HTR1E: variants seen among roughly 807,000 people sequenced by gnomAD.
HTR1E encodes the protein 5-HT-1E.
Under a neutral mutation model 3.4 loss-of-function variants are expected in HTR1E, and 3 were observed. The ratio of observed to expected loss-of-function variants is 0.89; its 90% CI spans 0.41 to 2.31. The LOEUF (loss-of-function observed/expected upper bound fraction) is 2.31, where lower values mean the gene tolerates loss of function less well. HTR1E is among the 30% of genes most tolerant of loss of function. HTR1E has a pLI of 0.05. For missense variants in HTR1E, 392 were observed against 467.0 expected, an observed-to-expected ratio of 0.84 and a Z score of 1.48; for synonymous variants, 170 against 182.8, an observed-to-expected ratio of 0.93 and a Z score of 0.56.
At chr6:86,973,558 G>T (rs149152380) in intron 1 of HTR1E, among the ~76,000 whole-genome samples, 1 of 152,208 alleles carries the variant, frequency 6.6e-6, no homozygotes, top group East Asian at 1.9e-4. Context: ...CTTTCCAAAA[G>T]ACCCGCCCCA....
chr6:86,940,813 C>A (rs1312301362), intron 1 of HTR1E, among the ~76,000 whole-genome samples: 1 of 152,342 alleles, frequency 6.6e-6, no homozygotes, highest in East Asian at 1.9e-4. Flanking sequence ...AAGCTTGAGA[C>A]TGATCAAAAG....
At chr6:86,968,159 C>A (rs1476972777) in intron 1 of HTR1E, among the ~76,000 whole-genome samples, 2 of 152,112 alleles carry the variant, frequency 1.3e-5, no homozygotes, top group Admixed American at 1.3e-4. Flanking sequence ...ATGGTTGCAT[C>A]CTATTCCATA....
chr6:87,010,253 A>C (rs1347731556), intron 1 of HTR1E, among the ~76,000 whole-genome samples: 1 of 100,534 alleles, frequency 9.9e-6, no homozygotes, highest in Non-Finnish European at 1.9e-5. Flanking sequence ...ACTTCTCAGT[A>C]GGGGCGGCCG....
chr6:86,982,790 A>C (rs752075031), intron 1 of HTR1E, among the ~76,000 whole-genome samples: 9 of 152,252 alleles, frequency 5.9e-5, no homozygotes, highest in African/African-American at 1.9e-4. Flanking sequence ...AATGAAAGCC[A>C]GTCAAGTCTA....
rs576206781 is a variant in HTR1E at position 86,976,990 on chromosome 6, T to A, written c.-185-38160T>A. On this transcript the variant is annotated intron_variant, in intron 1 of 1. Transcript: ENST00000305344. ...ACTTCTTAGAACAATTTTTTTAAGA[T>A]GCTCTATTAACTACCTTTATTGTGA... 3.3e-5 allele frequency among the ~76,000 whole-genome samples: 5 copies of A among 152,360 alleles called. No individual in the cohort carries two copies. In the South Asian group the frequency reaches 8.3e-4, roughly 25 times the overall value.
At position 87,010,860 on chromosome 6, in the gene HTR1E, G is replaced by A. The variant is rs181084119; in HGVS notation, c.-185-4290G>A. On this transcript the variant is annotated intron_variant, in intron 1 of 1. Coordinates refer to ENST00000305344, the MANE Select transcript of HTR1E (RefSeq NM_000865.3). The stretch of plus-strand genomic sequence containing the variant: ...CTCCTCCAGCCGCTGCCTCCCGGGC[G>A]GCGCTCGCCGGCCTATACGCCACAC... 4.2e-3 allele frequency among the ~76,000 whole-genome samples: 637 copies of A among 152,256 alleles called. 5 individuals carry two copies. The highest frequency in any genetic ancestry group is 0.014 in the African/African-American group (601 of 41,556).
intron 1 of HTR1E, among the ~76,000 whole-genome samples, chr6:86,972,719 G>T (rs1767577337): frequency 6.6e-6 from 1 of 152,034 alleles, no homozygotes; most frequent in Non-Finnish European, 1.5e-5. Flanking sequence ...CTTAAAAAAG[G>T]CAGGGAATTA....
At chr6:86,958,916 A>C (rs1164338005) in intron 1 of HTR1E, among the ~76,000 whole-genome samples, 1 of 151,266 alleles carries the variant, frequency 6.6e-6, no homozygotes, top group Non-Finnish European at 1.5e-5. Flanking sequence ...AGGGCTCTCC[A>C]GAGAAACAGA....
At chr6:86,949,985 A>G (rs924076076) in intron 1 of HTR1E, among the ~76,000 whole-genome samples, 3 of 152,208 alleles carry the variant, frequency 2.0e-5, no homozygotes, top group African/African-American at 7.2e-5. Context: ...AATGTAAATC[A>G]GATTTCATCA....
intron 1 of HTR1E, among the ~76,000 whole-genome samples, chr6:86,994,678 G>C (rs1318490253): frequency 6.6e-6 from 1 of 151,754 alleles, no homozygotes; most frequent in Non-Finnish European, 1.5e-5. Flanking sequence ...CAGGAAAAAA[G>C]GAAAAAAACA....
intron 1 of HTR1E, among the ~76,000 whole-genome samples, chr6:86,952,363 TG>T (rs1200704736): frequency 6.6e-6 from 1 of 152,038 alleles, no homozygotes; most frequent in African/African-American, 2.4e-5. Context: ...CCATCAACAA[TG>T]GTGCAAACAT....
chr6:87,009,292 G>A (rs1363988640), intron 1 of HTR1E, among the ~76,000 whole-genome samples: 4 of 150,198 alleles, frequency 2.7e-5, no homozygotes, highest in Non-Finnish European at 5.9e-5. Flanking sequence ...TCAAGCATCT[G>A]TTTAACAAAG....
intron 1 of HTR1E, among the ~76,000 whole-genome samples, chr6:86,955,888 AC>A (rs201470517): frequency 7.3e-5 from 11 of 151,432 alleles, no homozygotes; most frequent in Admixed American, 2.0e-4. Context: ...AAATTCTAAG[AC>A]CCCCCCAACC....
intron 1 of HTR1E, among the ~76,000 whole-genome samples, chr6:87,014,278 AATAATAATAATAAT>A (rs2127834379): frequency 6.8e-6 from 1 of 147,920 alleles, no homozygotes; most frequent in East Asian, 2.0e-4. Flanking sequence ...TAATAATAAT[AATAATAATAATAAT>A]AAGGCAGGAA....
At position 86,949,259 on chromosome 6, in the gene HTR1E, T is replaced by C. The variant is rs147882173; in HGVS notation, c.-186+11436T>C. ...AAAATGAAAATAATGCTAATACTTATCACCTCAGAGAGGTTTTTGCAGGGT... is the reference window on the plus strand; with the variant it reads ...AAAATGAAAATAATGCTAATACTTACCACCTCAGAGAGGTTTTTGCAGGGT... On this transcript the variant is annotated intron_variant, in intron 1 of 1. Transcript: ENST00000305344. 7.9e-5 allele frequency among the ~76,000 whole-genome samples: 12 copies of C among 152,316 alleles called. No individual in the cohort carries two copies. The East Asian group carries it at 2.3e-3, about 29-fold the overall frequency.
At chr6:86,989,759 C>T (rs1409180511) in intron 1 of HTR1E, among the ~76,000 whole-genome samples, 1 of 152,092 alleles carries the variant, frequency 6.6e-6, no homozygotes, top group East Asian at 1.9e-4. Context: ...AAACAGAGAC[C>T]TGAAGCAAGG....
intron 1 of HTR1E, among the ~76,000 whole-genome samples, chr6:86,997,507 A>G (rs926728884): frequency 6.6e-6 from 1 of 151,890 alleles, no homozygotes; most frequent in Admixed American, 6.6e-5. Context: ...ATAATACAAG[A>G]TCAATACCCA....
chr6:86,959,726 G>A (rs1767380046), intron 1 of HTR1E, among the ~76,000 whole-genome samples: 1 of 152,114 alleles, frequency 6.6e-6, no homozygotes, highest in Non-Finnish European at 1.5e-5. Context: ...GAAAGAAGGG[G>A]CAAGTTTTGT....
intron 1 of HTR1E, among the ~76,000 whole-genome samples, chr6:86,948,902 G>A (rs1356506825): frequency 2.0e-5 from 3 of 152,158 alleles, no homozygotes; most frequent in Non-Finnish European, 2.9e-5. Flanking sequence ...GCCTCCTGAG[G>A]ATAAAACTTT....
Sources: gnomAD v4.1 joint callset for allele counts (sites outside exome capture counted in the v4.1 genomes callset) on GRCh38, gnomAD v4.1.1 for gene constraint, MANE v1.5 for transcripts, NCBI Gene and HGNC (gene_info 2026-07-23, HGNC 2026-07-21) for gene names.